The following COL25A1 variants were observed in gnomAD, a reference collection of about 807,000 sequenced individuals.
The protein encoded by COL25A1 is collagen alpha-1(XXV) chain.
COL25A1 carries 103 observed loss-of-function variants against 128.4 expected under a neutral mutation model. That is an observed-to-expected ratio of 0.80 (90% CI 0.68 to 0.94). The LOEUF is 0.94. COL25A1 is among the 40% of genes least tolerant of loss of function. The probability of loss-of-function intolerance (pLI) is 0.00; values close to 1 mark genes in which losing one functional copy is unlikely to be tolerated. For missense variants in COL25A1, 745 were observed against 840.0 expected (o/e 0.89, Z 1.40); for synonymous variants, 279 against 277.2 (o/e 1.01, Z -0.06).
At chr4:108,897,157 C>T (rs1742242449) in intron 15 of COL25A1, among the ~76,000 whole-genome samples, 1 of 152,166 alleles carries the variant, frequency 6.6e-6, no homozygotes, top group African/African-American at 2.4e-5. Context: ...GTCCTGTCTT[C>T]AAGCATATCT....
intron 6 of COL25A1, among the ~76,000 whole-genome samples, chr4:108,986,301 G>A (rs1195305655): frequency 6.6e-6 from 1 of 152,164 alleles, no homozygotes; most frequent in Non-Finnish European, 1.5e-5. Flanking sequence ...TGAAAAAGTT[G>A]CCATAGACAA....
intron 3 of COL25A1, among the ~76,000 whole-genome samples, chr4:109,143,042 G>A (rs1770574631): frequency 6.6e-6 from 1 of 152,172 alleles, no homozygotes; most frequent in Non-Finnish European, 1.5e-5. Context: ...TGCAGTGGCT[G>A]GTACTGGTTT....
chr4:109,053,201 C>T (rs1291847117), intron 3 of COL25A1, among the ~76,000 whole-genome samples: 2 of 152,162 alleles, frequency 1.3e-5, no homozygotes, highest in East Asian at 1.9e-4. Flanking sequence ...ACAATTGGTA[C>T]TATTCATGCT....
chr4:109,005,809 A>G (rs1160937324), intron 6 of COL25A1, among the ~76,000 whole-genome samples: 4 of 152,216 alleles, frequency 2.6e-5, no homozygotes, highest in African/African-American at 7.2e-5. Context: ...GAGTGAAAGA[A>G]GAAGTTTTGC....
intron 3 of COL25A1, among the ~76,000 whole-genome samples, chr4:109,237,351 TA>T (rs1779542999): frequency 1.3e-5 from 2 of 152,104 alleles, no homozygotes; most frequent in African/African-American, 2.4e-5. Flanking sequence ...TGGAGATGAA[TA>T]AAACATCTCA....
At chr4:109,242,456 G>C (rs890873064) in intron 3 of COL25A1, among the ~76,000 whole-genome samples, 4 of 152,054 alleles carry the variant, frequency 2.6e-5, no homozygotes, top group Non-Finnish European at 5.9e-5. Context: ...GTCAAATTAT[G>C]AATGGTTGTT....
chr4:109,018,179 A>G (rs1363315684), intron 5 of COL25A1, among the ~76,000 whole-genome samples: 2 of 152,098 alleles, frequency 1.3e-5, no homozygotes, highest in Non-Finnish European at 1.5e-5. Flanking sequence ...TTGAGGGCCA[A>G]TAGGAGTCCT....
At chr4:109,020,894 A>G (rs2125900093) in intron 5 of COL25A1, among the ~76,000 whole-genome samples, 1 of 152,334 alleles carries the variant, frequency 6.6e-6, no homozygotes, top group East Asian at 1.9e-4. Flanking sequence ...ATGTCTTTGT[A>G]TATACAGATG....
At chr4:109,274,598 C>G (rs954076760) in intron 3 of COL25A1, among the ~76,000 whole-genome samples, 22 of 152,110 alleles carry the variant, frequency 1.4e-4, no homozygotes, top group South Asian at 6.2e-4. Context: ...TAAAAATTAT[C>G]TTGCCAATTA....
intron 3 of COL25A1, among the ~76,000 whole-genome samples, chr4:109,067,409 G>GA (rs1423938130): frequency 6.6e-6 from 1 of 151,942 alleles, no homozygotes; most frequent in Non-Finnish European, 1.5e-5. Flanking sequence ...TAAACACAGT[G>GA]AAACTCTTTG....
intron 13 of COL25A1, among the ~76,000 whole-genome samples, chr4:108,915,366 C>T (rs2345004): frequency 0.69 from 104,734 of 151,890 alleles, 37,422 homozygotes; most frequent in East Asian, 0.94. Flanking sequence ...TCTCTCTCTC[C>T]CTTTCTTTTT....
chr4:108,817,587 T>C, intron 36 of COL25A1, 152 bp from the exon 37 acceptor site: 1 of 621,250 alleles, frequency 1.6e-6, no homozygotes, highest in Non-Finnish European at 2.8e-6. Flanking sequence ...CCGATATATT[T>C]CCCAGTGTTA....
At chr4:108,839,074 C>T (rs1342360695) in intron 31 of COL25A1, among the ~76,000 whole-genome samples, 2 of 134,212 alleles carry the variant, frequency 1.5e-5, no homozygotes, top group Non-Finnish European at 1.6e-5. Flanking sequence ...TGGGTGGGGG[C>T]GGGAAAGGGG....
intron 3 of COL25A1, among the ~76,000 whole-genome samples, chr4:109,190,550 T>C (rs1257741731): frequency 1.3e-5 from 2 of 152,110 alleles, no homozygotes; most frequent in African/African-American, 4.8e-5. Context: ...CAGGAGCAGG[T>C]GAGAGATTGA....
intron 5 of COL25A1, among the ~76,000 whole-genome samples, chr4:109,031,732 G>A (rs547023427): frequency 7.9e-5 from 12 of 151,940 alleles, no homozygotes; most frequent in Non-Finnish European, 1.6e-4. Context: ...CCTGTGTAGA[G>A]GCCCTTAGCC....
At chr4:109,180,565 C>T (rs1774530381) in intron 3 of COL25A1, among the ~76,000 whole-genome samples, 1 of 151,998 alleles carries the variant, frequency 6.6e-6, no homozygotes, top group African/African-American at 2.4e-5. Context: ...CTTAGAATAG[C>T]ACCTGTTACA....
At chr4:109,091,513 CTG>C (rs371065937) in intron 3 of COL25A1, among the ~76,000 whole-genome samples, 5 of 151,712 alleles carry the variant, frequency 3.3e-5, no homozygotes, top group Admixed American at 6.6e-5. Context: ...CAAATCGTCT[CTG>C]TGTGTGTGTG....
At chr4:109,005,438 A>G (rs748703930) in intron 6 of COL25A1, among the ~76,000 whole-genome samples, 2 of 152,152 alleles carry the variant, frequency 1.3e-5, no homozygotes, top group Non-Finnish European at 2.9e-5. Flanking sequence ...CCCCCAACTT[A>G]AACATTTACA....
Position 109,172,937 on chromosome 4 carries a change from T to A in COL25A1, c.368-122758A>T, listed in dbSNP as rs1773726645. Among the ~76,000 whole-genome samples, 4 of 152,208 alleles carry A rather than the reference T, an allele frequency of 2.6e-5. No individual in the cohort carries two copies. The South Asian group carries it at 8.3e-4, about 32-fold the overall frequency. ...TATACAAATACTACTTAAAATGTCA[T>A]CTTTAAGCATTTCAAACATCTTAGG... is the stretch of plus-strand genomic sequence containing the variant. On this transcript the variant is annotated intron_variant, in intron 3 of 37. Transcript: ENST00000399132.
Sources: gnomAD v4.1 joint callset for allele counts (sites outside exome capture counted in the v4.1 genomes callset) on GRCh38, gnomAD v4.1.1 for gene constraint, MANE v1.5 for transcripts, NCBI Gene and HGNC (gene_info 2026-07-23, HGNC 2026-07-21) for gene names.